MROH7: variants seen among roughly 807,000 people sequenced by gnomAD.
The protein encoded by MROH7 is maestro heat like repeat family member 7, also known as maestro heat-like repeat-containing protein family member 7.
In MROH7, 113 loss-of-function variants were observed where a neutral mutation model predicts 129.2. The observed-to-expected ratio is 0.87, with a 90% confidence interval of 0.75 to 1.02. MROH7 has a LOEUF of 1.02. MROH7 is among the 50% of genes least tolerant of loss of function. The probability of loss-of-function intolerance (pLI) is 0.00; values close to 1 mark genes in which losing one functional copy is unlikely to be tolerated. For missense variants in MROH7, 1,601 were observed against 1,671.3 expected, an observed-to-expected ratio of 0.96 and a Z score of 0.73; for synonymous variants, 655 against 667.9, an observed-to-expected ratio of 0.98 and a Z score of 0.30.
At chr1:54,668,806 G>A in intron 4 of MROH7, 48 bp from the exon 5 acceptor site, 1 of 1,450,910 alleles carries the variant, frequency 6.9e-7, no homozygotes, top group Non-Finnish European at 9.7e-7. Flanking sequence ...TGAGGACTGG[G>A]CTCAGTGGGT....
At chr1:54,674,231 C>T in intron 10 of MROH7, 80 bp downstream of exon 10, 2 of 1,512,408 alleles carry the variant, frequency 1.3e-6, no homozygotes, top group South Asian at 2.7e-5. Flanking sequence ...TCAGCTGGAG[C>T]CTTGGCATTA....
chr1:54,684,777 T>C (rs1234447030), intron 14 of MROH7, among the ~76,000 whole-genome samples: 1 of 152,214 alleles, frequency 6.6e-6, no homozygotes, highest in East Asian at 1.9e-4. Context: ...GCCTTGGTGC[T>C]TATATCTGTA....
intron 4 of MROH7, among the ~76,000 whole-genome samples, chr1:54,667,198 C>T (rs369534826): frequency 6.6e-5 from 10 of 152,286 alleles, no homozygotes; most frequent in Admixed American, 5.2e-4. Context: ...GGACTCAGCC[C>T]AGGTGTTAAC....
chr1:54,673,297 T>C lies in MROH7; in HGVS notation c.1695+111T>C, dbSNP rs1293927484. 8 of 766,866 alleles carry C rather than the reference T, an allele frequency of 1.0e-5. No homozygotes were observed. The Admixed American group carries it at 1.3e-4, about 13-fold the overall frequency. 47.5% of individuals were successfully genotyped at this position (766,866 alleles called of 1,614,324 possible). Reference sequence around the variant, plus strand: ...CTAGGAGTGATTTGGCTTCAGGATGTCATCTTGTGTGAGTGTTCTGCCTCC... The same window carrying C: ...CTAGGAGTGATTTGGCTTCAGGATGCCATCTTGTGTGAGTGTTCTGCCTCC... On this transcript the variant is annotated intron_variant, in intron 8 of 23. Transcript: ENST00000421030.
At chr1:54,664,987 T>G (rs1349720505) in intron 3 of MROH7, among the ~76,000 whole-genome samples, 180 bp from the exon 4 acceptor site, 2 of 152,018 alleles carry the variant, frequency 1.3e-5, no homozygotes, top group African/African-American at 4.8e-5. Flanking sequence ...ACTTGCACTC[T>G]AGCCTGGGCA....
chr1:54,699,155 TTTCTTTTCTTTC>T lies in MROH7; in HGVS notation c.2965-1163_2965-1152del, dbSNP rs1490932643. ...CTTTCTTTCTTTCTTTCTTTCTTTC[TTTCTTTTCTTTC>T]TTTCTTTCTTTCTTTCTTTCTCTTT... On this transcript the variant is annotated intron_variant, in intron 17 of 23. Coordinates refer to ENST00000421030, the MANE Select transcript of MROH7 (RefSeq NM_001039464.4). 7.5e-5 allele frequency: 6 copies of T among 79,910 alleles called. No individual in the cohort carries two copies. In the East Asian group the frequency reaches 1.5e-3, roughly 20 times the overall value. The allele number at this position is 79,910 out of a possible 1,614,324, so 5.0% of individuals were successfully genotyped here. A position where few individuals can be genotyped will look rare whatever the true frequency, so the allele number is the denominator to read the frequency against.
chr1:54,661,964 T>G (rs1224163078), intron 3 of MROH7, among the ~76,000 whole-genome samples: 2 of 150,032 alleles, frequency 1.3e-5, no homozygotes, highest in African/African-American at 4.9e-5. Context: ...ACACCTGTAA[T>G]ACATAGCACT....
In MROH7 at chr1:54,656,062, T is replaced by G. The variant is rs77636762; in HGVS notation, c.1231+1905T>G. Among the ~76,000 whole-genome samples the G allele has an allele frequency of 8.6e-3, 1,301 of 151,556 alleles. 44 individuals carry two copies. The East Asian group carries it at 0.11, about 12-fold the overall frequency. On this transcript the variant is annotated intron_variant, in intron 3 of 23. Coordinates refer to ENST00000421030, the MANE Select transcript of MROH7 (RefSeq NM_001039464.4). ...GCATGCATCATCATGCCTGGCTAAT[T>G]TTTGTAGTTTTAGCAGAGACAGGGT...
At chr1:54,696,431 C>T (rs757803687) in intron 17 of MROH7, among the ~76,000 whole-genome samples, 10 of 152,154 alleles carry the variant, frequency 6.6e-5, no homozygotes, top group Admixed American at 1.3e-4. Flanking sequence ...CCAGAACTTT[C>T]GTATCTTTCA....
chr1:54,642,034 C>T (rs1644396316), intron 1 of MROH7, 66 bp downstream of exon 1: 1 of 152,080 alleles, frequency 6.6e-6, no homozygotes, highest in Non-Finnish European at 1.5e-5. Flanking sequence ...CAGGTCCTGA[C>T]AGTGTAGTGG....
chr1:54,690,160 C>T (rs1007365115), intron 15 of MROH7, among the ~76,000 whole-genome samples: 2 of 152,270 alleles, frequency 1.3e-5, no homozygotes, highest in South Asian at 2.1e-4. Context: ...AGAGCCACCC[C>T]ACCACCCACA....
chr1:54,653,178 T>G lies in MROH7; in HGVS notation c.252T>G (p.Asp84Glu), dbSNP rs748424041. The change falls in exon 3 of 24, where the codon GAT becomes GAG. Residue 84 changes from aspartate (D) to glutamate (E), a missense_variant. Asp to Glu is a conservative substitution (Grantham distance 45). Coordinates refer to ENST00000421030, the MANE Select transcript of MROH7 (RefSeq NM_001039464.4). Reference sequence around the variant, plus strand: ...TGTCTGAAAACACCCCCAGACCTGATGACAGCAGAGCTATCGCTCCAGCCT... The same window carrying G: ...TGTCTGAAAACACCCCCAGACCTGAGGACAGCAGAGCTATCGCTCCAGCCT... The part of the protein sequence containing the change: ...GLVSENTPRP[D>E]DSRAIAPASL... 2.5e-6 allele frequency: 4 copies of G among 1,614,208 alleles called. 1 individual carries two copies. In the South Asian group the frequency reaches 4.4e-5, roughly 18 times the overall value.
rs748657269 is a variant in MROH7 at position 54,679,410 on chromosome 1, G to A, written c.2197G>A (p.Glu733Lys). The change falls in exon 12 of 24, where the codon GAG becomes AAG. Residue 733 changes from glutamate to lysine, a missense_variant. Glu to Lys is a moderately conservative substitution (Grantham distance 56). Transcript: ENST00000421030. ...GGAGGTCATGCTCAGCTCGGTGCTGGAGTGGTACCGCCACAGGGCGCTGGA... is the reference window on the plus strand; with the variant it reads ...GGAGGTCATGCTCAGCTCGGTGCTGAAGTGGTACCGCCACAGGGCGCTGGA... ...ASEVMLSSVL[E>K]WYRHRALEVI... 16 of 1,613,956 alleles carry A rather than the reference G, an allele frequency of 9.9e-6. No homozygotes were observed. The highest frequency in any genetic ancestry group is 1.3e-5 in the Non-Finnish European group (15 of 1,179,964).
chr1:54,695,091 C>T (rs914088271), intron 16 of MROH7, among the ~76,000 whole-genome samples: 5 of 152,198 alleles, frequency 3.3e-5, no homozygotes, highest in African/African-American at 9.7e-5. Flanking sequence ...TGCTGCCTGA[C>T]GTGGTCCTGT....
Position 54,673,969 on chromosome 1 carries a change from A to G in MROH7, c.1801-47A>G, listed in dbSNP as rs11581109. 5,348 of 1,602,372 alleles carry G rather than the reference A, an allele frequency of 3.3e-3. 15 individuals carry two copies. The highest frequency in any genetic ancestry group is 4.1e-3 in the Non-Finnish European group (4,860 of 1,171,416). On this transcript the variant is annotated intron_variant, in intron 9 of 23. Transcript: ENST00000421030. ...CGGTGTTCACCATTTAATGTATAGC[A>G]TTATTGAACCTATAACACTCAATCC... is the stretch of plus-strand genomic sequence containing the variant.
intron 10 of MROH7, among the ~76,000 whole-genome samples, chr1:54,678,453 G>A (rs1374934194): frequency 1.4e-5 from 2 of 137,946 alleles, no homozygotes; most frequent in Non-Finnish European, 3.0e-5. Context: ...CAAGGATAAC[G>A]TGTCCATTTA....
chr1:54,665,126 C>T, intron 3 of MROH7, 41 bp from the exon 4 acceptor site: 1 of 1,536,842 alleles, frequency 6.5e-7, no homozygotes. Context: ...CTAGGTACAT[C>T]ACAGCTTTAT....
At chr1:54,689,656 C>G (rs1569958691) in intron 15 of MROH7, among the ~76,000 whole-genome samples, 1 of 152,202 alleles carries the variant, frequency 6.6e-6, no homozygotes, top group African/African-American at 2.4e-5. Flanking sequence ...GAGAGCTTGT[C>G]CTGTGAAGCC....
At chr1:54,667,558 T>C (rs1172754) in intron 4 of MROH7, among the ~76,000 whole-genome samples, 8,389 of 151,918 alleles carry the variant, frequency 0.055, 802 homozygotes, top group African/African-American at 0.19. Flanking sequence ...TGGGTTCAAG[T>C]GATTCTCCTG....
Sources: allele counts gnomAD v4.1 joint callset (sites outside exome capture counted in the v4.1 genomes callset), GRCh38; gene constraint gnomAD v4.1.1; transcripts MANE v1.5; gene names NCBI Gene and HGNC (gene_info 2026-07-23, HGNC 2026-07-21).